Variants in RNF217 observed in about 807,000 individuals in gnomAD.
RNF217 encodes the protein E3 ubiquitin-protein ligase RNF217.
In RNF217, 31 loss-of-function variants were observed where a neutral mutation model predicts 57.8. That is an observed-to-expected ratio of 0.54 (90% CI 0.40 to 0.72). The LOEUF (loss-of-function observed/expected upper bound fraction) is 0.72. Ranked by LOEUF, RNF217 falls within the 30% of genes least tolerant of loss-of-function variation. The probability of loss-of-function intolerance (pLI) is 0.00; values close to 1 mark genes in which losing one functional copy is unlikely to be tolerated. For missense variants in RNF217, 696 were observed against 708.3 expected (o/e 0.98, Z 0.20); for synonymous variants, 313 against 294.0 (o/e 1.06, Z -0.66).
chr6:125,082,029 G>A (rs1316309061), intron 5 of RNF217, among the ~76,000 whole-genome samples: 1 of 152,104 alleles, frequency 6.6e-6, no homozygotes, highest in Non-Finnish European at 1.5e-5. Context: ...ATTAAAATGT[G>A]TATTTTAAAG....
chr6:124,968,057 C>T (rs1040727194), intron 1 of RNF217, among the ~76,000 whole-genome samples: 2 of 152,158 alleles, frequency 1.3e-5, no homozygotes, highest in Admixed American at 6.5e-5. Context: ...TGGGGGATTA[C>T]AGGCATGAGC....
In RNF217 at chr6:125,090,773, G is replaced by A. The variant is rs539676; in HGVS notation, c.*7836G>A. 1 of 151,614 alleles carries A rather than the reference G, an allele frequency of 6.6e-6. No individual in the cohort carries two copies. The highest frequency in any genetic ancestry group is 1.5e-5 in the Non-Finnish European group (1 of 67,774). The allele number at this position is 151,614 out of a possible 1,614,324, so 9.4% of individuals were successfully genotyped here. On this transcript the variant is annotated 3_prime_UTR_variant, in exon 6 of 6. Transcript: ENST00000521654. ...ATATTTTTCAAGTTTAAAATGGACC[G>A]GGTTGAAAAGAGATTTCATTGATTC...
Position 125,076,937 on chromosome 6 carries a change from G to A in RNF217, c.1483+79G>A, listed in dbSNP as rs1788399015. ...TAGAACTTGGAAATGTGCAGCCATG[G>A]TAATTCAGAGCACCTGCCATGTGCC... On this transcript the variant is annotated intron_variant, in intron 4 of 5. Coordinates refer to ENST00000521654, the MANE Select transcript of RNF217 (RefSeq NM_001286398.3). 33 of 1,203,684 alleles carry A rather than the reference G, an allele frequency of 2.7e-5. 1 individual carries two copies. In the South Asian group the frequency reaches 3.3e-4, roughly 12 times the overall value. 74.6% of individuals were successfully genotyped at this position (1,203,684 alleles called of 1,614,324 possible). A position where few individuals can be genotyped will look rare whatever the true frequency, so the allele number is the denominator to read the frequency against.
chr6:125,004,215 C>T (rs1193308445), intron 1 of RNF217, among the ~76,000 whole-genome samples: 1 of 152,120 alleles, frequency 6.6e-6, no homozygotes, highest in African/African-American at 2.4e-5. Flanking sequence ...TTGTAGGGCA[C>T]ACATCTAATC....
In RNF217 at chr6:125,090,096, C is replaced by T. The variant is rs891185981; in HGVS notation, c.*7159C>T. On this transcript the variant is annotated 3_prime_UTR_variant, in exon 6 of 6. Coordinates refer to ENST00000521654, the MANE Select transcript of RNF217 (RefSeq NM_001286398.3). Reference sequence around the variant, plus strand: ...ACTTTTATTATTTGATCATTTTCATCACAATTGCAATCCTCTAGAGGGTAT... The same window carrying T: ...ACTTTTATTATTTGATCATTTTCATTACAATTGCAATCCTCTAGAGGGTAT... 2 of 151,968 alleles carry T rather than the reference C, an allele frequency of 1.3e-5. No homozygotes were observed. The highest frequency in any genetic ancestry group is 2.9e-5 in the Non-Finnish European group (2 of 67,960). 9.4% of individuals were successfully genotyped at this position (151,968 alleles called of 1,614,324 possible).
At chr6:124,979,754 T>G (rs1258278882) in intron 1 of RNF217, among the ~76,000 whole-genome samples, 1 of 152,214 alleles carries the variant, frequency 6.6e-6, no homozygotes, top group African/African-American at 2.4e-5. Context: ...AACATGACAA[T>G]TAGTGCTTTA....
intron 1 of RNF217, chr6:125,008,921 G>GT (rs1181265221): frequency 5.5e-6 from 1 of 183,310 alleles, no homozygotes; most frequent in Admixed American, 6.2e-5. Context: ...CACCAGCAAC[G>GT]TGTGAGTATT....
chr6:124,991,964 A>G (rs1298099923), intron 1 of RNF217, among the ~76,000 whole-genome samples: 3 of 152,160 alleles, frequency 2.0e-5, no homozygotes, highest in Non-Finnish European at 2.9e-5. Context: ...CATACAGGTC[A>G]TTAGTCCATG....
intron 1 of RNF217, among the ~76,000 whole-genome samples, chr6:124,964,266 A>G (rs1325726597): frequency 6.6e-6 from 1 of 152,150 alleles, no homozygotes; most frequent in Non-Finnish European, 1.5e-5. Flanking sequence ...CAATTGTCCT[A>G]GGCCTATTCA....
intron 3 of RNF217, among the ~76,000 whole-genome samples, chr6:125,069,514 C>T (rs559199847): frequency 6.6e-6 from 1 of 152,272 alleles, no homozygotes; most frequent in Admixed American, 6.5e-5. Flanking sequence ...AGTAGTATTC[C>T]ATGATCTATA....
chr6:125,054,889 A>G (rs1193940122), intron 2 of RNF217, among the ~76,000 whole-genome samples: 1 of 152,188 alleles, frequency 6.6e-6, no homozygotes, highest in East Asian at 1.9e-4. Flanking sequence ...TTGAGCCACA[A>G]GGACAGGGCA....
In RNF217 at chr6:125,057,991, C is replaced by T. The variant is rs267600789; in HGVS notation, c.1166C>T (p.Pro389Leu). The T allele has an allele frequency of 6.2e-7, 1 of 1,612,626 alleles. No individual in the cohort carries two copies. Among genetic ancestry groups the T allele is most frequent in the South Asian group, 1.1e-5 (1 of 90,798 alleles). Residue 389 changes from proline (P) to leucine (L), a missense_variant, in exon 3 of 6, where the codon CCT becomes CTT. Around this residue, in one of 2 missense-constraint regions of RNF217, gnomAD observed 231 missense variants for 321.4 expected, o/e 0.72. Transcript: ENST00000521654. The part of the protein sequence containing the change: ...QFVWCFKCHS[P>L]WHEGVNCKEY... The stretch of plus-strand genomic sequence containing the variant: ...GTCTGGTGTTTTAAGTGCCACTCTC[C>T]TTGGCATGAAGGTGTTAACTGCAAG...
In RNF217 at chr6:125,087,305, C is replaced by T. The variant is rs1032059753; in HGVS notation, c.*4368C>T. On this transcript the variant is annotated 3_prime_UTR_variant, in exon 6 of 6. Coordinates refer to ENST00000521654, the MANE Select transcript of RNF217 (RefSeq NM_001286398.3). Reference sequence around the variant, plus strand: ...AAATAAGAAAATGTATGCCAAAAAACGTTTTTAGATTTTAATTTTATAAGC... The same window carrying T: ...AAATAAGAAAATGTATGCCAAAAAATGTTTTTAGATTTTAATTTTATAAGC... 1.4e-5 allele frequency: 2 copies of T among 141,602 alleles called. No individual in the cohort carries two copies. Among genetic ancestry groups the T allele is most frequent in the African/African-American group, 4.9e-5 (2 of 40,538 alleles). 8.8% of individuals were successfully genotyped at this position (141,602 alleles called of 1,614,324 possible).
chr6:125,046,960 A>T (rs1787119756), intron 2 of RNF217, among the ~76,000 whole-genome samples: 1 of 152,096 alleles, frequency 6.6e-6, no homozygotes, highest in Non-Finnish European at 1.5e-5. Context: ...AAAATTGTAT[A>T]ACTAAAGTAC....
At chr6:125,006,210 G>A (rs571855053) in intron 1 of RNF217, 1 of 152,244 alleles carries the variant, frequency 6.6e-6, no homozygotes, top group African/African-American at 2.4e-5. Flanking sequence ...AGATGTTTAT[G>A]TTGCAATAAA....
intron 1 of RNF217, among the ~76,000 whole-genome samples, chr6:124,967,212 G>T (rs749391883): frequency 6.6e-6 from 1 of 152,194 alleles, no homozygotes; most frequent in East Asian, 1.9e-4. Flanking sequence ...GCTAAAGTAC[G>T]TAGTCCCAGG....
chr6:125,032,644 G>A (rs979764501), intron 1 of RNF217, among the ~76,000 whole-genome samples: 29 of 152,206 alleles, frequency 1.9e-4, no homozygotes, highest in Non-Finnish European at 3.4e-4. Context: ...ATTTTGTGGG[G>A]TGAATGGAGA....
chr6:125,072,433 G>A (rs1422429738), intron 3 of RNF217, among the ~76,000 whole-genome samples: 1 of 152,102 alleles, frequency 6.6e-6, no homozygotes, highest in Non-Finnish European at 1.5e-5. Context: ...TTCCTGTACA[G>A]AAATATTATT....
intron 1 of RNF217, among the ~76,000 whole-genome samples, chr6:125,029,092 A>T (rs1786234943): frequency 6.6e-6 from 1 of 152,172 alleles, no homozygotes; most frequent in African/African-American, 2.4e-5. Context: ...ATAACAAGAC[A>T]TTTAAAACTG....
Sources: allele counts gnomAD v4.1 joint callset (sites outside exome capture counted in the v4.1 genomes callset), GRCh38; gene constraint gnomAD v4.1.1; regional missense constraint gnomAD v4.1.1; transcripts MANE v1.5; gene names NCBI Gene and HGNC (gene_info 2026-07-23, HGNC 2026-07-21).